The following GNB2 variants were observed in gnomAD, a reference collection of about 807,000 sequenced individuals.
The protein encoded by GNB2 is G protein subunit beta 2, also known as guanine nucleotide-binding protein G(I)/G(S)/G(T) subunit beta-2.
GNB2 carries 7 observed loss-of-function variants against 40.7 expected under a neutral mutation model. That is an observed-to-expected ratio of 0.17 (90% confidence interval 0.10 to 0.32). GNB2 has a LOEUF of 0.32. GNB2 is among the 10% of genes least tolerant of loss of function. The probability of loss-of-function intolerance (pLI) is 1.00; values close to 1 mark genes in which losing one functional copy is unlikely to be tolerated. For synonymous variants in GNB2, 254 were observed against 191.2 expected (o/e 1.33, Z -2.71); for missense variants, 286 against 473.0 (o/e 0.60, Z 3.67).
At position 100,678,901 on chromosome 7, in the gene GNB2, G is replaced by A. The variant is rs534910448; in HGVS notation, c.*100G>A. 32 of 903,470 alleles carry A rather than the reference G, an allele frequency of 3.5e-5. No homozygotes were observed. The highest frequency in any genetic ancestry group is 6.7e-5 in the African/African-American group (4 of 59,926). The allele number at this position is 903,470 out of a possible 1,614,324, so 56.0% of individuals were successfully genotyped here. A position where few individuals can be genotyped will look rare whatever the true frequency, so the allele number is the denominator to read the frequency against. On this transcript the variant is annotated 3_prime_UTR_variant, in exon 10 of 10. Coordinates refer to ENST00000303210, the MANE Select transcript of GNB2 (RefSeq NM_005273.4). ...TGGCGCAATCCCAGCCCCCTTCCCC[G>A]GGCCACGGGGCCTTGGGTCCCTGCC...
At chr7:100,676,387 G>A in intron 2 of GNB2, 65 bp downstream of exon 2, 1 of 1,420,488 alleles carries the variant, frequency 7.0e-7, no homozygotes, top group South Asian at 1.2e-5. Flanking sequence ...ACCGGGTTGG[G>A]TGAGGGTGTT....
chr7:100,676,218 T>G lies in GNB2; in HGVS notation c.-48T>G. On this transcript the variant is annotated 5_prime_UTR_variant, in exon 2 of 10. Transcript: ENST00000303210. ...CAGGAGCTGCCTCCCCCAGCCCCCG[T>G]CCCGCGGCCCCCAGCCGCCCCCAAC... 2.1e-5 allele frequency: 24 copies of G among 1,155,080 alleles called. No individual in the cohort carries two copies. The highest frequency in any genetic ancestry group is 3.1e-5 in the African/African-American group (2 of 65,550). 71.6% of individuals were successfully genotyped at this position (1,155,080 alleles called of 1,614,324 possible). A position where few individuals can be genotyped will look rare whatever the true frequency, so the allele number is the denominator to read the frequency against.
intron 1 of GNB2, among the ~76,000 whole-genome samples, chr7:100,675,001 G>A (rs921114379): frequency 2.6e-5 from 4 of 152,192 alleles, no homozygotes; most frequent in Non-Finnish European, 2.9e-5. Flanking sequence ...GTGGGGAAGA[G>A]GAACGCCCTG....
intron 1 of GNB2, 91 bp from the exon 2 acceptor site, chr7:100,676,086 T>G: frequency 2.1e-6 from 1 of 476,126 alleles, no homozygotes. Flanking sequence ...CCCCCTCCCC[T>G]TGCTTACCCC....
intron 1 of GNB2, among the ~76,000 whole-genome samples, chr7:100,674,265 C>T (rs1804304226): frequency 6.6e-6 from 1 of 151,120 alleles, no homozygotes; most frequent in Non-Finnish European, 1.5e-5. Context: ...CACCGCCACC[C>T]TCCCGCCTGC....
At position 100,678,481 on chromosome 7, in the gene GNB2, C is replaced by T; in HGVS notation, c.783C>T (p.Leu261=). 6.2e-7 allele frequency: 1 copy of T among 1,613,776 alleles called. No homozygotes were observed. The highest frequency in any genetic ancestry group is 8.5e-7 in the Non-Finnish European group (1 of 1,179,888). ...TCGACCTGCGGGCCGATCAGGAGCT[C>T]CTCATGTACTCCCATGACAACATCA... ...RLFDLRADQE[L]LMYSHDNIIC... Residue 261 remains leucine (L), a synonymous_variant, in exon 9 of 10, where the codon CTC becomes CTT. Transcript: ENST00000303210.
chr7:100,677,304 C>A, intron 4 of GNB2, 48 bp from the exon 5 acceptor site: 1 of 1,496,414 alleles, frequency 6.7e-7, no homozygotes, highest in Non-Finnish European at 9.3e-7. Context: ...GGGGGTGTGT[C>A]TTGTTTTCAC....
rs1803663 is a variant in GNB2, at chr7:100,679,034, G to C, written c.*233G>C. 13,744 of 530,516 alleles carry C rather than the reference G, an allele frequency of 0.026. 236 individuals are homozygous for C. The highest frequency in any genetic ancestry group is 0.035 in the Non-Finnish European group (10,388 of 298,074). 32.9% of individuals were successfully genotyped at this position (530,516 alleles called of 1,614,324 possible). A position where few individuals can be genotyped will look rare whatever the true frequency, so the allele number is the denominator to read the frequency against. ...GGCCCTCATCCTTCTGCTGCCCTGGGGTTGGGGCCTCACCCCTCTGGAGGG... is the reference window on the plus strand; with the variant it reads ...GGCCCTCATCCTTCTGCTGCCCTGGCGTTGGGGCCTCACCCCTCTGGAGGG... On this transcript the variant is annotated 3_prime_UTR_variant, in exon 10 of 10. Transcript: ENST00000303210.
Position 100,678,089 on chromosome 7 carries a change from C to T in GNB2, c.498-9C>T, listed in dbSNP as rs145101383. The T allele has an allele frequency of 1.7e-4, 267 of 1,605,248 alleles. No homozygotes were observed. Among genetic ancestry groups the T allele is most frequent in the Middle Eastern group, 1.7e-3 (10 of 6,042 alleles). On this transcript the variant is annotated splice_polypyrimidine_tract_variant and intron_variant, in intron 7 of 9. Transcript: ENST00000303210. ...TCTTATCTTTTCTTTCTTCCTGTCA[C>T]CTCTCCAGTGCCCTGTGGGACATTG...
At position 100,676,281 on chromosome 7, in the gene GNB2, C is replaced by T; in HGVS notation, c.16C>T (p.Gln6Ter). 1 of 1,607,424 alleles carries T rather than the reference C, an allele frequency of 6.2e-7. No individual in the cohort carries two copies. The highest frequency in any genetic ancestry group is 8.5e-7 in the Non-Finnish European group (1 of 1,177,586). The change falls in exon 2 of 10, where the codon CAA (glutamine) becomes TAA (stop). Residue 6 changes from glutamine to a stop codon, truncating the protein, a stop_gained. Transcript: ENST00000303210. LOFTEE classifies it high-confidence loss of function. ...GCCCGGCGCCATGAGTGAGCTGGAGCAACTGAGACAGGAGGCCGAGCAGCT... is the reference window on the plus strand; with the variant it reads ...GCCCGGCGCCATGAGTGAGCTGGAGTAACTGAGACAGGAGGCCGAGCAGCT... MSELE[Q>*]LRQEAEQLRN...
chr7:100,674,792 C>T (rs762504058), intron 1 of GNB2, among the ~76,000 whole-genome samples: 17 of 152,224 alleles, frequency 1.1e-4, no homozygotes, highest in Admixed American at 2.0e-4. Flanking sequence ...CCAGTTTCTT[C>T]CTCCAGCCGT....
intron 4 of GNB2, 84 bp from the exon 5 acceptor site, chr7:100,677,268 C>T (rs754213926): frequency 2.7e-5 from 29 of 1,066,864 alleles, no homozygotes; most frequent in African/African-American, 6.2e-5. Flanking sequence ...CAGAGAGAGA[C>T]CCTACCTTCT....
At position 100,677,812 on chromosome 7, in the gene GNB2, C is replaced by A. The variant is rs1402069192; in HGVS notation, c.491C>A (p.Thr164Asn). 3 of 1,612,744 alleles carry A rather than the reference C, an allele frequency of 1.9e-6. No individual in the cohort carries two copies. Among genetic ancestry groups the A allele is most frequent in the Non-Finnish European group, 2.5e-6 (3 of 1,179,306 alleles). ...CAAATCATCACCAGCTCTGGGGATA[C>A]CACCTGGTGAGGCTCTGCCAGGGCT... ...DNQIITSSGD[T>N]TCALWDIETG... Residue 164 changes from threonine to asparagine, a missense_variant, in exon 7 of 10, where the codon ACC becomes AAC. Coordinates refer to ENST00000303210, the MANE Select transcript of GNB2 (RefSeq NM_005273.4).
In GNB2 at chr7:100,676,731, G is replaced by A; in HGVS notation, c.135G>A (p.Met45Ile). Reference protein sequence around the residue: ...AGLDPVGRIQMRTRRTLRGHL... With the variant: ...AGLDPVGRIQIRTRRTLRGHL... ...TGGACCCAGTGGGGAGAATCCAGAT[G>A]AGGACCCGGAGGACCCTCCGTGGGC... The change falls in exon 4 of 10, where the codon ATG (methionine) becomes ATA (isoleucine). Residue 45 changes from methionine (M) to isoleucine (I), a missense_variant. By Grantham distance (10) the Met-to-Ile change is conservative (BLOSUM62 1). Coordinates refer to ENST00000303210, the MANE Select transcript of GNB2 (RefSeq NM_005273.4). The A allele has an allele frequency of 6.2e-7, 1 of 1,609,422 alleles. No homozygotes were observed. Among genetic ancestry groups the A allele is most frequent in the African/African-American group, 1.3e-5 (1 of 75,016 alleles).
Position 100,673,835 on chromosome 7 carries a change from G to GCCGCCGCCGCCGCCT in GNB2, c.-164_-163insTCCGCCGCCGCCGCC, listed in dbSNP as rs1404074772. On this transcript the variant is annotated 5_prime_UTR_variant, in exon 1 of 10. Coordinates refer to ENST00000303210, the MANE Select transcript of GNB2 (RefSeq NM_005273.4). ...CATCCGCGCCGCCGCCGCCGCCGCC[G>GCCGCCGCCGCCGCCT]CCGCCGCCGCCGCCGCCTCCGCCGC... 26 of 189,448 alleles carry GCCGCCGCCGCCGCCT rather than the reference G, an allele frequency of 1.4e-4. No homozygotes were observed. The highest frequency in any genetic ancestry group is 1.9e-4 in the Non-Finnish European group (18 of 97,032). 11.7% of individuals were successfully genotyped at this position (189,448 alleles called of 1,614,324 possible). A position where few individuals can be genotyped will look rare whatever the true frequency, so the allele number is the denominator to read the frequency against.
Position 100,678,873 on chromosome 7 carries a change from G to A in GNB2, c.*72G>A. On this transcript the variant is annotated 3_prime_UTR_variant, in exon 10 of 10. Transcript: ENST00000303210. ...CCCACACTACAGGCCAGGGCTGCGG[G>A]GCTGGCGCAATCCCAGCCCCCTTCC... The A allele has an allele frequency of 1.7e-6, 2 of 1,201,452 alleles. No individual in the cohort carries two copies. Among genetic ancestry groups the A allele is most frequent in the African/African-American group, 1.5e-5 (1 of 66,604 alleles). The allele number at this position is 1,201,452 out of a possible 1,614,324, so 74.4% of individuals were successfully genotyped here.
chr7:100,677,718 G>C, intron 6 of GNB2, 34 bp from the exon 7 acceptor site: 1 of 1,612,636 alleles, frequency 6.2e-7, no homozygotes, highest in Non-Finnish European at 8.5e-7. Context: ...ACTGCCCTCC[G>C]TGTGGAGACC....
Position 100,679,161 on chromosome 7 carries a change from AACTC to A in GNB2, c.*361_*364del. ...GTTTTTCCATAAAGGAGCCAATTCC[AACTC>A]TGTACCTGGTCTCTGCCCTTGCTGT... On this transcript the variant is annotated 3_prime_UTR_variant, in exon 10 of 10. Transcript: ENST00000303210. The A allele has an allele frequency of 5.1e-6, 1 of 195,718 alleles. No homozygotes were observed. Among genetic ancestry groups the A allele is most frequent in the Admixed American group, 5.3e-5 (1 of 18,964 alleles). The allele number at this position is 195,718 out of a possible 1,614,324, so 12.1% of individuals were successfully genotyped here. A position where few individuals can be genotyped will look rare whatever the true frequency, so the allele number is the denominator to read the frequency against.
rs538633115 is a variant in GNB2 at position 100,677,358 on chromosome 7, G to A, written c.210G>A (p.Leu70=). The A allele has an allele frequency of 3.1e-6, 5 of 1,613,538 alleles. No individual in the cohort carries two copies. Among genetic ancestry groups the A allele is most frequent in the East Asian group, 2.2e-5 (1 of 44,886 alleles). ...CTACACCGTTCCCCACCAGGCTGCT[G>A]GTCAGCGCCTCCCAGGATGGGAAGC... The part of the protein sequence containing the change: ...AMHWGTDSRL[L]VSASQDGKLI... The change falls in exon 5 of 10, where the codon CTG becomes CTA. Residue 70 remains leucine (L), a synonymous_variant. Coordinates refer to ENST00000303210, the MANE Select transcript of GNB2 (RefSeq NM_005273.4).
Sources: allele counts gnomAD v4.1 joint callset (sites outside exome capture counted in the v4.1 genomes callset), GRCh38; gene constraint gnomAD v4.1.1; transcripts MANE v1.5; gene names NCBI Gene and HGNC (gene_info 2026-07-23, HGNC 2026-07-21).